The following PIEZO2 variants were observed in gnomAD, a reference collection of about 807,000 sequenced individuals.
PIEZO2 encodes the protein piezo type mechanosensitive ion channel component 2.
PIEZO2 carries 172 observed loss-of-function variants against 337.3 expected under a neutral mutation model. The observed-to-expected ratio is 0.51, with a 90% confidence interval of 0.45 to 0.58. The LOEUF (loss-of-function observed/expected upper bound fraction) is 0.58. PIEZO2 is among the 20% of genes least tolerant of loss of function. The pLI, the probability that PIEZO2 is intolerant of heterozygous loss-of-function variation, is 0.00. For missense variants in PIEZO2, 3,028 were observed against 3,391.3 expected (o/e 0.89, Z 2.66); for synonymous variants, 1,251 against 1,228.5 (o/e 1.02, Z -0.38).
At chr18:10,717,900 C>T (rs567979421) in intron 37 of PIEZO2, among the ~76,000 whole-genome samples, 13 of 152,328 alleles carry the variant, frequency 8.5e-5, no homozygotes, top group Middle Eastern at 6.8e-3. Flanking sequence ...ATTCTGACGG[C>T]TTCCATGGGA....
chr18:10,850,289 T>C lies in PIEZO2; in HGVS notation c.917+5064A>G, dbSNP rs1028778336. On this transcript the variant is annotated intron_variant, in intron 7 of 55. Transcript: ENST00000674853. The surrounding 1 kb of genome is among the most constrained non-coding windows in gnomAD (Gnocchi z 4.5). ...GGATTACTCTAGAGAAAAATGAAAC[T>C]CCAGCCCTGTGCCACACATCGGCGT... Among the ~76,000 whole-genome samples, 1 of 152,062 alleles carries C rather than the reference T, an allele frequency of 6.6e-6. No homozygotes were observed. The highest frequency in any genetic ancestry group is 1.5e-5 in the Non-Finnish European group (1 of 68,024).
chr18:10,787,501 G>A (rs1051291506), intron 15 of PIEZO2, among the ~76,000 whole-genome samples: 1 of 152,166 alleles, frequency 6.6e-6, no homozygotes, highest in African/African-American at 2.4e-5. Context: ...GGCCCATAGG[G>A]GGCGCTCAAG....
At chr18:10,865,752 A>G (rs2041988872) in intron 5 of PIEZO2, among the ~76,000 whole-genome samples, 1 of 152,222 alleles carries the variant, frequency 6.6e-6, no homozygotes, top group African/African-American at 2.4e-5. Context: ...GGAAAGTAGT[A>G]CGAAGAAGTG....
intron 4 of PIEZO2, 135 bp downstream of exon 4, chr18:10,911,051 G>A (rs1041968161): frequency 4.4e-6 from 2 of 453,108 alleles, no homozygotes; most frequent in African/African-American, 3.9e-5. Context: ...GGGGCAAAAT[G>A]ACGACTTGAT....
Position 10,797,434 on chromosome 18 carries a change from C to G in PIEZO2, c.1467G>C (p.Met489Ile). ...EEKRSIKVHA[M>I]VSVFQFIMKQ... is the part of the protein sequence containing the mutation. Reference sequence around the variant, plus strand: ...TCATAATAAATTGGAATACGGAGACCATGGCATGAACTTTGATACTTCTTT... The same window carrying G: ...TCATAATAAATTGGAATACGGAGACGATGGCATGAACTTTGATACTTCTTT... Residue 489 changes from methionine to isoleucine, a missense_variant, in exon 12 of 56, where the codon ATG (methionine) becomes ATC (isoleucine). Coordinates refer to ENST00000674853, the MANE Select transcript of PIEZO2 (RefSeq NM_001378183.1). 6.5e-7 allele frequency: 1 copy of G among 1,537,144 alleles called. No homozygotes were observed. Among genetic ancestry groups the G allele is most frequent in the African/African-American group, 1.4e-5 (1 of 73,140 alleles).
At chr18:11,055,057 A>G (rs536531968) in intron 2 of PIEZO2, among the ~76,000 whole-genome samples, 34 of 152,154 alleles carry the variant, frequency 2.2e-4, no homozygotes, top group Admixed American at 8.5e-4. Flanking sequence ...TAAAAACACA[A>G]AAAATTAGCT....
At position 10,672,687 on chromosome 18, in the gene PIEZO2, T is replaced by C; in HGVS notation, c.8345+3A>G. The C allele has an allele frequency of 6.2e-7, 1 of 1,613,540 alleles. No homozygotes were observed. On this transcript the variant is annotated splice_donor_region_variant and intron_variant, in intron 55 of 55. Transcript: ENST00000674853. The surrounding 1 kb of genome is among the most constrained non-coding windows in gnomAD (Gnocchi z 4.7). ...AACTGTGAATTGTTCAATGAGTCCT[T>C]ACCCATAGCCAGCCAGGAACCCCAG... is the stretch of plus-strand genomic sequence containing the variant.
rs74787171 is a variant in PIEZO2 at position 10,766,424 on chromosome 18, C to T, written c.2947-3326G>A. ...TTTTAGGGAAATAGATGCTGGTCCA[C>T]GTACATAACAACTGTCCAGGTGATT... On this transcript the variant is annotated intron_variant, in intron 21 of 55. Transcript: ENST00000674853. This position sits in a 1 kb window ranked among gnomAD's most constrained non-coding sequence, Gnocchi z 6.1. Among the ~76,000 whole-genome samples, 2,212 of 152,232 alleles carry T rather than the reference C, an allele frequency of 0.015. 55 individuals carry two copies. Among genetic ancestry groups the T allele is most frequent in the African/African-American group, 0.051 (2,113 of 41,536 alleles).
At position 10,698,970 on chromosome 18, in the gene PIEZO2, C is replaced by T. The variant is rs1326494295; in HGVS notation, c.6649G>A (p.Glu2217Lys). 31 of 1,536,738 alleles carry T rather than the reference C, an allele frequency of 2.0e-5. No homozygotes were observed. The highest frequency in any genetic ancestry group is 2.6e-5 in the Non-Finnish European group (30 of 1,146,912). The stretch of plus-strand genomic sequence containing the variant: ...GAAAAGCTGGATCTCTGGGATGGCT[C>T]GGAGCTGCTGCCGGAGCGCTTCCTC... The part of the protein sequence containing the change: ...VRRKRSGSSS[E>K]PSQRSSFSSN... The change falls in exon 44 of 56, where the codon GAG (glutamate) becomes AAG (lysine). Residue 2217 changes from glutamate (E) to lysine (K), a missense_variant. Around this residue, in one of 5 missense-constraint regions of PIEZO2, gnomAD observed 1,925 missense variants for 2,051.9 expected, o/e 0.94. Coordinates refer to ENST00000674853, the MANE Select transcript of PIEZO2 (RefSeq NM_001378183.1).
In PIEZO2 at chr18:10,720,238, A is replaced by G. The variant is rs200262642; in HGVS notation, c.5030-1979T>C. Among the ~76,000 whole-genome samples, 761 of 124,750 alleles carry G rather than the reference A, an allele frequency of 6.1e-3. 32 individuals are homozygous for G. Among genetic ancestry groups the G allele is most frequent in the African/African-American group, 0.016 (550 of 35,188 alleles). The allele number at this position is 124,750 out of a possible 152,430, so 81.8% of individuals were successfully genotyped here. A position where few individuals can be genotyped will look rare whatever the true frequency, so the allele number is the denominator to read the frequency against. ...TATGAATATATGTGTGTGTGTGTAT[A>G]TATATATATATGGAGCCCAGGTAAT... On this transcript the variant is annotated intron_variant, in intron 36 of 55. Coordinates refer to ENST00000674853, the MANE Select transcript of PIEZO2 (RefSeq NM_001378183.1).
At chr18:11,133,405 T>G in intron 1 of PIEZO2, among the ~76,000 whole-genome samples, 1 of 152,138 alleles carries the variant, frequency 6.6e-6, no homozygotes, top group Non-Finnish European at 1.5e-5. Context: ...GGTAGACTTG[T>G]GATGGTTAAT....
intron 1 of PIEZO2, among the ~76,000 whole-genome samples, chr18:11,138,570 C>T (rs1481800053): frequency 6.6e-6 from 1 of 152,216 alleles, no homozygotes; most frequent in Non-Finnish European, 1.5e-5. Context: ...GCTCGGATTA[C>T]AGGCGTGAGC....
chr18:10,829,115 G>GT (rs2040766097), intron 7 of PIEZO2, among the ~76,000 whole-genome samples: 1 of 152,090 alleles, frequency 6.6e-6, no homozygotes, highest in African/African-American at 2.4e-5. Flanking sequence ...GTGTAGAGAA[G>GT]TCATCTTCTC....
chr18:10,905,598 A>C (rs1051336439), intron 4 of PIEZO2, among the ~76,000 whole-genome samples: 1 of 150,100 alleles, frequency 6.7e-6, no homozygotes, highest in Non-Finnish European at 1.5e-5. Context: ...AAAAAAAAAA[A>C]ACTTGCAAGG....
chr18:11,078,120 CCATACACACA>C lies in PIEZO2; in HGVS notation c.65-11908_65-11899del, dbSNP rs907129298. 8.4e-5 allele frequency among the ~76,000 whole-genome samples: 11 copies of C among 130,680 alleles called. No individual in the cohort carries two copies. The East Asian group carries it at 1.6e-3, about 18-fold the overall frequency. 85.7% of individuals were successfully genotyped at this position (130,680 alleles called of 152,430 possible). A position where few individuals can be genotyped will look rare whatever the true frequency, so the allele number is the denominator to read the frequency against. On this transcript the variant is annotated intron_variant, in intron 1 of 55. Transcript: ENST00000674853. The surrounding 1 kb of genome is among the most constrained non-coding windows in gnomAD (Gnocchi z 5.3). Reference sequence around the variant, plus strand: ...ACACAAACACATACACATATACACACCATACACACACATACACACACACTCACCACACACA... The same window carrying C: ...ACACAAACACATACACATATACACACCATACACACACACTCACCACACACA...
intron 3 of PIEZO2, among the ~76,000 whole-genome samples, chr18:10,931,589 G>A (rs140528362): frequency 7.9e-5 from 12 of 152,188 alleles, no homozygotes; most frequent in African/African-American, 2.9e-4. Context: ...ACTTAATCAT[G>A]AGTAATCCCA....
intron 49 of PIEZO2, 129 bp downstream of exon 49, chr18:10,689,526 G>T: frequency 8.2e-7 from 1 of 1,223,816 alleles, no homozygotes; most frequent in East Asian, 2.4e-5. Context: ...GGAAATCACT[G>T]GGACATTTAT....
rs139705172 is a variant in PIEZO2 at position 10,696,398 on chromosome 18, G to T, written c.6969C>A (p.Ala2323=). Residue 2323 remains alanine, a synonymous_variant, in exon 46 of 56, where the codon GCC becomes GCA. Coordinates refer to ENST00000674853, the MANE Select transcript of PIEZO2 (RefSeq NM_001378183.1). ...DFIIIVFGFW[A]FGKHSAAADI... ...GGCCTTTGCCCCAACCTACCCCAAA[G>T]GCCCAAAAGCCGAAGACAATGATGA... The T allele has an allele frequency of 3.0e-4, 480 of 1,614,204 alleles. 5 individuals carry two copies. The highest frequency in any genetic ancestry group is 2.0e-3 in the South Asian group (186 of 91,078).
rs573123507 is a variant in PIEZO2, at chr18:10,999,576, G to A, written c.161-19916C>T. ...GATTATTTAAAACATATGGGAGAAC[G>A]AGCATGGGTTATAAGCAAATATTAT... On this transcript the variant is annotated intron_variant, in intron 2 of 55. Transcript: ENST00000674853. Among the ~76,000 whole-genome samples the A allele has an allele frequency of 2.9e-4, 44 of 152,090 alleles. No homozygotes were observed. The East Asian group carries it at 4.8e-3, about 17-fold the overall frequency.
Sources: allele counts gnomAD v4.1 joint callset (sites outside exome capture counted in the v4.1 genomes callset), GRCh38; gene constraint gnomAD v4.1.1; regional missense constraint gnomAD v4.1.1; non-coding constraint Gnocchi (gnomAD v3.1); transcripts MANE v1.5; gene names NCBI Gene and HGNC (gene_info 2026-07-23, HGNC 2026-07-21).